Variants in FRMD4A observed in about 807,000 individuals in gnomAD.
FRMD4A encodes FERM domain-containing protein 4A.
In FRMD4A, 29 loss-of-function variants were observed where a neutral mutation model predicts 129.1. The ratio of observed to expected loss-of-function variants is 0.22; its 90% CI spans 0.17 to 0.31. The LOEUF is 0.31. Ranked by LOEUF, FRMD4A falls within the 10% of genes least tolerant of loss-of-function variation. The probability of loss-of-function intolerance (pLI) is 1.00; values close to 1 mark genes in which losing one functional copy is unlikely to be tolerated. For synonymous variants in FRMD4A, 634 were observed against 571.6 expected (o/e 1.11, Z -1.56); for missense variants, 1,272 against 1,375.8 (o/e 0.92, Z 1.19).
At chr10:13,813,511 A>T (rs1324839326) in intron 3 of FRMD4A, among the ~76,000 whole-genome samples, 1 of 152,240 alleles carries the variant, frequency 6.6e-6, no homozygotes, top group Non-Finnish European at 1.5e-5. Flanking sequence ...TGGTAAGCTC[A>T]TTGGAAGTTG....
intron 3 of FRMD4A, among the ~76,000 whole-genome samples, chr10:13,829,727 T>C (rs1351932807): frequency 1.3e-5 from 2 of 152,204 alleles, no homozygotes; most frequent in African/African-American, 4.8e-5. Flanking sequence ...CCATCACCTT[T>C]AGCCCCAACC....
At chr10:14,279,993 C>T (rs1219879177) in intron 2 of FRMD4A, among the ~76,000 whole-genome samples, 3 of 152,234 alleles carry the variant, frequency 2.0e-5, no homozygotes, top group African/African-American at 7.2e-5. Flanking sequence ...TCACCCAGGA[C>T]TCCTGACTTC....
chr10:14,102,040 C>T (rs147725171), intron 2 of FRMD4A, among the ~76,000 whole-genome samples: 94 of 152,298 alleles, frequency 6.2e-4, no homozygotes, highest in African/African-American at 2.1e-3. Flanking sequence ...AGAAGATGCA[C>T]GTTTCCACCC....
chr10:13,661,262 G>A (rs1479831721), intron 19 of FRMD4A, among the ~76,000 whole-genome samples: 1 of 152,202 alleles, frequency 6.6e-6, no homozygotes, highest in African/African-American at 2.4e-5. Context: ...ACGTCAGTGC[G>A]CTAGAGGACT....
chr10:14,052,309 C>G (rs1834298482), intron 2 of FRMD4A, among the ~76,000 whole-genome samples: 7 of 152,174 alleles, frequency 4.6e-5, no homozygotes, highest in Admixed American at 4.6e-4. Flanking sequence ...ATGGCAGCCA[C>G]AAGAAGCTCA....
At chr10:13,886,313 G>A (rs1221017760) in intron 2 of FRMD4A, among the ~76,000 whole-genome samples, 1 of 150,386 alleles carries the variant, frequency 6.6e-6, no homozygotes, top group East Asian at 2.0e-4. Context: ...CCAATGAACA[G>A]GCTAATCCCA....
intron 2 of FRMD4A, among the ~76,000 whole-genome samples, chr10:14,241,370 T>C (rs1844034344): frequency 6.6e-6 from 1 of 152,204 alleles, no homozygotes; most frequent in African/African-American, 2.4e-5. Flanking sequence ...ACTTGTTTTT[T>C]GAAAAAGCTT....
At chr10:13,859,089 C>T (rs539378290) in intron 2 of FRMD4A, among the ~76,000 whole-genome samples, 177 bp from the exon 3 acceptor site, 1 of 152,248 alleles carries the variant, frequency 6.6e-6, no homozygotes, top group East Asian at 1.9e-4. Flanking sequence ...TCAAAAATAT[C>T]TATTGAGGCC....
At chr10:14,276,460 T>C (rs537017847) in intron 2 of FRMD4A, among the ~76,000 whole-genome samples, 6 of 152,344 alleles carry the variant, frequency 3.9e-5, no homozygotes, top group African/African-American at 1.4e-4. Flanking sequence ...AGGGAACCTA[T>C]TCAGTGGGAA....
In FRMD4A at chr10:14,283,496, C is replaced by A. The variant is rs539237818; in HGVS notation, c.45+46562G>T. Among the ~76,000 whole-genome samples the A allele has an allele frequency of 3.3e-5, 5 of 152,050 alleles. No individual in the cohort carries two copies. The South Asian group carries it at 6.2e-4, about 19-fold the overall frequency. ...AGGAAAACAATCCAGACAAAACAGA[C>A]TATGAAAAAGATAAAACCCAGATAA... On this transcript the variant is annotated intron_variant, in intron 2 of 24. Coordinates refer to ENST00000357447, the MANE Select transcript of FRMD4A (RefSeq NM_018027.5).
Position 13,945,048 on chromosome 10 carries a change from A to G in FRMD4A, c.46-86136T>C, listed in dbSNP as rs1021617385. ...CAGTGATCGCCCCTCCGGTCTCTCCACCAGCAACAGTACAATGGGAGTAAC... is the reference window on the plus strand; with the variant it reads ...CAGTGATCGCCCCTCCGGTCTCTCCGCCAGCAACAGTACAATGGGAGTAAC... On this transcript the variant is annotated intron_variant, in intron 2 of 24. Coordinates refer to ENST00000357447, the MANE Select transcript of FRMD4A (RefSeq NM_018027.5). 3.9e-5 allele frequency among the ~76,000 whole-genome samples: 6 copies of G among 152,130 alleles called. No homozygotes were observed. In the East Asian group the frequency reaches 7.7e-4, roughly 20 times the overall value.
At chr10:14,304,712 G>A (rs1846289689) in intron 2 of FRMD4A, among the ~76,000 whole-genome samples, 1 of 152,150 alleles carries the variant, frequency 6.6e-6, no homozygotes, top group Non-Finnish European at 1.5e-5. Flanking sequence ...AAAACTGTTT[G>A]CCTGAGGGCT....
At chr10:14,020,571 T>G (rs542650660) in intron 2 of FRMD4A, among the ~76,000 whole-genome samples, 1 of 152,242 alleles carries the variant, frequency 6.6e-6, no homozygotes, top group Non-Finnish European at 1.5e-5. Context: ...AGTCTTCTTT[T>G]GTTCTTATTT....
At chr10:14,139,420 A>T (rs974047185) in intron 2 of FRMD4A, among the ~76,000 whole-genome samples, 1 of 146,972 alleles carries the variant, frequency 6.8e-6, no homozygotes, top group African/African-American at 2.5e-5. Flanking sequence ...AATAAATCCT[A>T]TCAAAAACAT....
chr10:14,225,934 G>T (rs1364869859), intron 2 of FRMD4A, among the ~76,000 whole-genome samples: 1 of 152,200 alleles, frequency 6.6e-6, no homozygotes, highest in Non-Finnish European at 1.5e-5. Context: ...CTTGGCCAAA[G>T]CTGACCTCTG....
intron 2 of FRMD4A, among the ~76,000 whole-genome samples, chr10:14,313,684 G>A (rs1218418): frequency 0.06 from 9,071 of 152,266 alleles, 815 homozygotes; most frequent in African/African-American, 0.19. Context: ...ACAGATGTTT[G>A]TATGAACAAT....
chr10:14,253,479 A>G (rs1269159625), intron 2 of FRMD4A, among the ~76,000 whole-genome samples: 6 of 152,152 alleles, frequency 3.9e-5, no homozygotes, highest in African/African-American at 1.4e-4. Context: ...TTTGAAAACC[A>G]CTTTCTTTAT....
intron 2 of FRMD4A, among the ~76,000 whole-genome samples, chr10:14,011,094 A>C (rs2095680644): frequency 6.6e-6 from 1 of 152,184 alleles, no homozygotes; most frequent in African/African-American, 2.4e-5. Flanking sequence ...ATGAAAACCA[A>C]AGTCAACTGG....
intron 2 of FRMD4A, among the ~76,000 whole-genome samples, chr10:14,207,404 A>G (rs1428949126): frequency 6.6e-6 from 1 of 152,068 alleles, no homozygotes; most frequent in Non-Finnish European, 1.5e-5. Context: ...ATAATTCTAC[A>G]ACTCACTATC....
Sources: gnomAD v4.1 joint callset for allele counts (sites outside exome capture counted in the v4.1 genomes callset) on GRCh38, gnomAD v4.1.1 for gene constraint, MANE v1.5 for transcripts, NCBI Gene and HGNC (gene_info 2026-07-23, HGNC 2026-07-21) for gene names.